The following RFXAP variants were observed in gnomAD, a reference collection of about 807,000 sequenced individuals.
RFXAP encodes regulatory factor X associated protein.
A neutral mutation model predicts 25.7 loss-of-function variants in RFXAP; 21 were observed. That is an observed-to-expected ratio of 0.82 (90% confidence interval 0.58 to 1.18). The LOEUF is 1.18. RFXAP is among the 50% of genes most tolerant of loss of function. The probability of loss-of-function intolerance (pLI) is 0.00; values close to 1 mark genes in which losing one functional copy is unlikely to be tolerated. For synonymous variants in RFXAP, 161 were observed against 152.2 expected (o/e 1.06, Z -0.43); for missense variants, 333 against 363.0 (o/e 0.92, Z 0.67).
chr13:36,823,049 C>G (rs755419793), intron 1 of RFXAP, among the ~76,000 whole-genome samples: 2 of 152,144 alleles, frequency 1.3e-5, no homozygotes, highest in African/African-American at 2.4e-5. Context: ...TCTTATGTGT[C>G]AAGCACTGTG....
chr13:36,826,847 A>G (rs1272908697), intron 2 of RFXAP, among the ~76,000 whole-genome samples: 1 of 152,120 alleles, frequency 6.6e-6, no homozygotes. Context: ...TTTTCTCTAT[A>G]AATTTATGTA....
intron 1 of RFXAP, among the ~76,000 whole-genome samples, chr13:36,822,421 C>A (rs2057965967): frequency 1.3e-5 from 2 of 151,966 alleles, no homozygotes; most frequent in Non-Finnish European, 2.9e-5. Context: ...TAACCTATGG[C>A]TGCTTACTTT....
In RFXAP at chr13:36,825,489, C is replaced by T; in HGVS notation, c.662C>T (p.Pro221Leu). The change falls in exon 2 of 3, where the codon CCT (proline) becomes CTT (leucine). Residue 221 changes from proline to leucine, a missense_variant. Physicochemically the swap from Pro to Leu is moderately conservative, Grantham distance 98. Coordinates refer to ENST00000255476, the MANE Select transcript of RFXAP (RefSeq NM_000538.4). ...AGAACAGGATCTTTTGGGGATCGTC[C>T]TGCAAGACCTACTCTTTTAGAACAA... ...KQRTGSFGDRPARPTLLEQVL... is the reference protein window; with the variant it reads ...KQRTGSFGDRLARPTLLEQVL... 6.2e-7 allele frequency: 1 copy of T among 1,612,882 alleles called. No individual in the cohort carries two copies. The highest frequency in any genetic ancestry group is 8.5e-7 in the Non-Finnish European group (1 of 1,179,482).
intron 2 of RFXAP, among the ~76,000 whole-genome samples, chr13:36,827,145 T>A (rs1277676072): frequency 2.0e-5 from 3 of 152,094 alleles, no homozygotes; most frequent in Non-Finnish European, 4.4e-5. Flanking sequence ...TACATATATA[T>A]ATATACACAC....
chr13:36,819,918 G>A lies in RFXAP; in HGVS notation c.561G>A (p.Gly187=). The A allele has an allele frequency of 6.2e-7, 1 of 1,613,830 alleles. No individual in the cohort carries two copies. Among genetic ancestry groups the A allele is most frequent in the Non-Finnish European group, 8.5e-7 (1 of 1,179,924 alleles). ...KKSDQALNCG[G]TASTGSAGNV... is the part of the protein sequence containing the mutation. ...GCGACCAGGCCCTGAACTGCGGTGG[G>A]ACTGCCTCGACTGGCAGCGCGGGAA... The change falls in exon 1 of 3, where the codon GGG becomes GGA. Residue 187 remains glycine (G), a synonymous_variant. Coordinates refer to ENST00000255476, the MANE Select transcript of RFXAP (RefSeq NM_000538.4).
At position 36,819,712 on chromosome 13, in the gene RFXAP, G is replaced by A. The variant is rs752224995; in HGVS notation, c.355G>A (p.Gly119Arg). The change falls in exon 1 of 3, where the codon GGG (glycine) becomes AGG (arginine). Residue 119 changes from glycine to arginine, a missense_variant. Gly to Arg is a moderately radical substitution (Grantham distance 125). Coordinates refer to ENST00000255476, the MANE Select transcript of RFXAP (RefSeq NM_000538.4). ...EDLEDEETHS[G>R]GEGSSGGARR... is the part of the protein sequence containing the mutation. ...TCTAGAGGACGAGGAGACTCACTCG[G>A]GGGGCGAGGGCAGCAGCGGGGGCGC... 1.3e-6 allele frequency: 2 copies of A among 1,550,518 alleles called. No homozygotes were observed. Among genetic ancestry groups the A allele is most frequent in the East Asian group, 2.4e-5 (1 of 40,910 alleles).
intron 1 of RFXAP, among the ~76,000 whole-genome samples, chr13:36,820,372 C>G (rs1255861603): frequency 6.6e-6 from 1 of 152,156 alleles, no homozygotes; most frequent in East Asian, 1.9e-4. Flanking sequence ...GTACCCAGTT[C>G]TCAGTACCTC....
In RFXAP at chr13:36,819,352, A is replaced by G. The variant is rs557945694; in HGVS notation, c.-6A>G. On this transcript the variant is annotated 5_prime_UTR_variant, in exon 1 of 3. Transcript: ENST00000255476. Reference sequence around the variant, plus strand: ...GGGTCGTGGACCCCGGCCAGGTCTTAGCAGCATGGAGGCGCAGGGTGTAGC... The same window carrying G: ...GGGTCGTGGACCCCGGCCAGGTCTTGGCAGCATGGAGGCGCAGGGTGTAGC... 22 of 1,264,240 alleles carry G rather than the reference A, an allele frequency of 1.7e-5. No homozygotes were observed. In the South Asian group the frequency reaches 5.6e-4, roughly 32 times the overall value. The allele number at this position is 1,264,240 out of a possible 1,614,324, so 78.3% of individuals were successfully genotyped here.
intron 1 of RFXAP, 68 bp from the exon 2 acceptor site, chr13:36,825,360 G>A (rs1413711448): frequency 8.5e-7 from 1 of 1,170,624 alleles, no homozygotes; most frequent in Admixed American, 1.7e-5. Context: ...TTACATCTTT[G>A]AAATACCTGT....
chr13:36,827,775 A>G lies in RFXAP; in HGVS notation c.*22A>G, dbSNP rs1483192085. On this transcript the variant is annotated 3_prime_UTR_variant, in exon 3 of 3. Transcript: ENST00000255476. ...GTGAGGGAACTTACCAAGAACATCT[A>G]CATGGTTTTTTATCTTATTGTAATA... The G allele has an allele frequency of 5.5e-6, 8 of 1,464,318 alleles. No homozygotes were observed. The highest frequency in any genetic ancestry group is 1.2e-5 in the South Asian group (1 of 86,588). 90.7% of individuals were successfully genotyped at this position (1,464,318 alleles called of 1,614,324 possible). A position where few individuals can be genotyped will look rare whatever the true frequency, so the allele number is the denominator to read the frequency against.
chr13:36,819,931 G>A lies in RFXAP; in HGVS notation c.574G>A (p.Gly192Ser), dbSNP rs1212334584. 2 of 1,613,750 alleles carry A rather than the reference G, an allele frequency of 1.2e-6. No homozygotes were observed. The highest frequency in any genetic ancestry group is 1.3e-5 in the African/African-American group (1 of 74,926). Reference protein sequence around the residue: ...ALNCGGTASTGSAGNVKLEES... With the variant: ...ALNCGGTASTSSAGNVKLEES... ...GAACTGCGGTGGGACTGCCTCGACT[G>A]GCAGCGCGGGAAACGTCAAACTCGA... Residue 192 changes from glycine (G) to serine (S), a missense_variant, in exon 1 of 3, where the codon GGC (glycine) becomes AGC (serine). Coordinates refer to ENST00000255476, the MANE Select transcript of RFXAP (RefSeq NM_000538.4).
Position 36,819,331 on chromosome 13 carries a change from C to T in RFXAP, c.-27C>T. On this transcript the variant is annotated 5_prime_UTR_variant, in exon 1 of 3. Coordinates refer to ENST00000255476, the MANE Select transcript of RFXAP (RefSeq NM_000538.4). ...CAAGCAGGTGCTAAAAGCCCGGGGT[C>T]GTGGACCCCGGCCAGGTCTTAGCAG... The T allele has an allele frequency of 8.0e-7, 1 of 1,251,876 alleles. No individual in the cohort carries two copies. 77.5% of individuals were successfully genotyped at this position (1,251,876 alleles called of 1,614,324 possible).
intron 2 of RFXAP, among the ~76,000 whole-genome samples, chr13:36,826,189 T>C (rs2057977391): frequency 6.6e-6 from 1 of 152,138 alleles, no homozygotes; most frequent in African/African-American, 2.4e-5. Context: ...ATGATCAGTT[T>C]CCTTACATAT....
intron 1 of RFXAP, among the ~76,000 whole-genome samples, chr13:36,822,572 T>C (rs1300490600): frequency 6.6e-6 from 1 of 152,148 alleles, no homozygotes; most frequent in African/African-American, 2.4e-5. Flanking sequence ...ACTTATCTAA[T>C]TTTTTAGAGA....
At chr13:36,822,520 C>T (rs1264791605) in intron 1 of RFXAP, among the ~76,000 whole-genome samples, 1 of 151,904 alleles carries the variant, frequency 6.6e-6, no homozygotes, top group Admixed American at 6.6e-5. Flanking sequence ...TCCCTCTGCA[C>T]CTCCCACAAA....
chr13:36,820,224 T>C (rs958158958), intron 1 of RFXAP, among the ~76,000 whole-genome samples: 1 of 152,230 alleles, frequency 6.6e-6, no homozygotes, highest in East Asian at 1.9e-4. Context: ...AGATCTGGGA[T>C]ATGGCTGGAA....
chr13:36,824,769 G>T (rs1052158618), intron 1 of RFXAP, among the ~76,000 whole-genome samples: 1 of 152,098 alleles, frequency 6.6e-6, no homozygotes, highest in Admixed American at 6.5e-5. Flanking sequence ...AAATCTCAGG[G>T]TAATGGTATC....
At chr13:36,822,106 T>G (rs1467828388) in intron 1 of RFXAP, among the ~76,000 whole-genome samples, 10 of 151,692 alleles carry the variant, frequency 6.6e-5, no homozygotes, top group Non-Finnish European at 1.3e-4. Context: ...TTTTTTTTTT[T>G]GAGACAGAGT....
chr13:36,821,385 G>C (rs1314285000), intron 1 of RFXAP, among the ~76,000 whole-genome samples: 1 of 152,036 alleles, frequency 6.6e-6, no homozygotes, highest in Non-Finnish European at 1.5e-5. Flanking sequence ...TCTAGGCCAG[G>C]CTCAGTGGCT....
Sources: gnomAD v4.1 joint callset for allele counts (sites outside exome capture counted in the v4.1 genomes callset) on GRCh38, gnomAD v4.1.1 for gene constraint, MANE v1.5 for transcripts, NCBI Gene and HGNC (gene_info 2026-07-23, HGNC 2026-07-21) for gene names.